Variants in PDZRN4 observed in about 807,000 individuals in gnomAD.
The protein encoded by PDZRN4 is PDZ domain containing ring finger 4.
In PDZRN4, 70 loss-of-function variants were observed where a neutral mutation model predicts 99.0. The observed-to-expected ratio is 0.71, with a 90% CI of 0.58 to 0.86. The LOEUF is 0.86. Among genes scored for constraint, PDZRN4 ranks in the 40% least tolerant of loss-of-function variants. The pLI, the probability that PDZRN4 is intolerant of heterozygous loss-of-function variation, is 0.00. For missense variants in PDZRN4, 1,474 were observed against 1,331.2 expected, an observed-to-expected ratio of 1.11 and a Z score of -1.67; for synonymous variants, 551 against 501.6, an observed-to-expected ratio of 1.10 and a Z score of -1.32.
chr12:41,548,465 A>C (rs527686951), intron 5 of PDZRN4, among the ~76,000 whole-genome samples: 8 of 152,258 alleles, frequency 5.3e-5, no homozygotes, highest in Non-Finnish European at 1.0e-4. Context: ...TTGTCTAATA[A>C]ATGAAAACCA....
At chr12:41,320,720 G>A (rs1347892814) in intron 3 of PDZRN4, among the ~76,000 whole-genome samples, 2 of 138,764 alleles carry the variant, frequency 1.4e-5, no homozygotes, top group Non-Finnish European at 3.2e-5. Flanking sequence ...TTCATTGAAT[G>A]AAGTAGGAAG....
intron 3 of PDZRN4, among the ~76,000 whole-genome samples, chr12:41,275,975 A>C (rs1951347629): frequency 6.6e-6 from 1 of 152,174 alleles, no homozygotes; most frequent in Non-Finnish European, 1.5e-5. Context: ...GTAAATGGTT[A>C]CAGGCAGAGG....
At chr12:41,554,344 C>G (rs908913511) in intron 6 of PDZRN4, among the ~76,000 whole-genome samples, 4 of 152,094 alleles carry the variant, frequency 2.6e-5, no homozygotes, top group Admixed American at 2.6e-4. Context: ...TTAAATATGT[C>G]AGAATTGGAG....
At chr12:41,322,278 C>A (rs1357131099) in intron 3 of PDZRN4, among the ~76,000 whole-genome samples, 1 of 151,890 alleles carries the variant, frequency 6.6e-6, no homozygotes, top group African/African-American at 2.4e-5. Context: ...CCGTCCACCT[C>A]GGCCTCCCAA....
chr12:41,362,208 A>T (rs1407091576), intron 3 of PDZRN4, among the ~76,000 whole-genome samples: 1 of 151,982 alleles, frequency 6.6e-6, no homozygotes, highest in Non-Finnish European at 1.5e-5. Flanking sequence ...GTACTGCCAC[A>T]ATCATCAAGT....
chr12:41,398,302 T>A (rs1205153659), intron 3 of PDZRN4, among the ~76,000 whole-genome samples: 1 of 152,074 alleles, frequency 6.6e-6, no homozygotes, highest in Non-Finnish European at 1.5e-5. Context: ...TAATTTTTAA[T>A]AACTGAAGGT....
chr12:41,433,176 A>C (rs1326223263), intron 3 of PDZRN4, among the ~76,000 whole-genome samples: 3 of 152,206 alleles, frequency 2.0e-5, no homozygotes, highest in African/African-American at 7.2e-5. Flanking sequence ...CTGTCTTTGA[A>C]AATTTATTCT....
At chr12:41,307,862 A>G (rs1190390255) in intron 3 of PDZRN4, among the ~76,000 whole-genome samples, 2 of 152,240 alleles carry the variant, frequency 1.3e-5, no homozygotes, top group African/African-American at 2.4e-5. Context: ...ATTTCATCTA[A>G]TCTATACATC....
intron 3 of PDZRN4, among the ~76,000 whole-genome samples, chr12:41,370,898 A>T (rs1952036796): frequency 6.6e-6 from 1 of 150,926 alleles, no homozygotes; most frequent in South Asian, 2.1e-4. Flanking sequence ...TTTTTACGTT[A>T]TTCTGCTTTT....
At chr12:41,403,634 C>G (rs1221917417) in intron 3 of PDZRN4, among the ~76,000 whole-genome samples, 1 of 152,110 alleles carries the variant, frequency 6.6e-6, no homozygotes, top group Non-Finnish European at 1.5e-5. Flanking sequence ...AAGCATATTT[C>G]AGTCCTCACT....
intron 3 of PDZRN4, among the ~76,000 whole-genome samples, chr12:41,488,226 A>G (rs1310025162): frequency 1.1e-4 from 16 of 152,334 alleles, no homozygotes; most frequent in Non-Finnish European, 2.9e-5. Context: ...CGGATAATCA[A>G]CATGAAGCAG....
intron 3 of PDZRN4, among the ~76,000 whole-genome samples, chr12:41,403,438 C>T (rs747548197): frequency 5.9e-5 from 9 of 152,084 alleles, no homozygotes; most frequent in Non-Finnish European, 1.2e-4. Context: ...CCATCGGGAA[C>T]GTGAGAGATG....
intron 3 of PDZRN4, among the ~76,000 whole-genome samples, chr12:41,232,934 C>T (rs1951038401): frequency 6.6e-6 from 1 of 152,024 alleles, no homozygotes; most frequent in African/African-American, 2.4e-5. Flanking sequence ...CAATCCTTTC[C>T]CCATTGCTTG....
intron 3 of PDZRN4, among the ~76,000 whole-genome samples, chr12:41,497,646 A>G (rs937236458): frequency 6.6e-6 from 1 of 152,148 alleles, no homozygotes; most frequent in Non-Finnish European, 1.5e-5. Context: ...ACAATTAGCC[A>G]GGAGGCAGCC....
chr12:41,495,359 T>A (rs1238585904), intron 3 of PDZRN4, among the ~76,000 whole-genome samples: 1 of 152,104 alleles, frequency 6.6e-6, no homozygotes, highest in Admixed American at 6.6e-5. Context: ...AAATTCAACC[T>A]CTTCAGCTTG....
At chr12:41,221,917 A>G (rs1950958540) in intron 3 of PDZRN4, among the ~76,000 whole-genome samples, 1 of 152,218 alleles carries the variant, frequency 6.6e-6, no homozygotes, top group African/African-American at 2.4e-5. Flanking sequence ...ACCTTGGCCA[A>G]GAAAAAAATA....
intron 3 of PDZRN4, among the ~76,000 whole-genome samples, chr12:41,406,781 C>A (rs955464042): frequency 6.7e-6 from 1 of 148,312 alleles, no homozygotes; most frequent in South Asian, 2.1e-4. Flanking sequence ...TCGTTTGAAC[C>A]TGGGAGGCGG....
intron 3 of PDZRN4, among the ~76,000 whole-genome samples, chr12:41,339,356 G>A (rs995618059): frequency 1.3e-5 from 2 of 152,080 alleles, no homozygotes; most frequent in Non-Finnish European, 2.9e-5. Context: ...ATGGTGCTGG[G>A]AAACTTGGAT....
chr12:41,189,035 GAGA>G lies in PDZRN4; in HGVS notation c.583_585del (p.Lys195del). 1 of 1,572,170 alleles carries G rather than the reference GAGA, an allele frequency of 6.4e-7. No individual in the cohort carries two copies. The highest frequency in any genetic ancestry group is 1.3e-5 in the African/African-American group (1 of 74,390). ...GCAGCTCACGGCGCGCAGGTACCAGGAGAAGTTCACCCAATACATGGCTCACGT... is the reference window on the plus strand; with the variant it reads ...GCAGCTCACGGCGCGCAGGTACCAGGAGTTCACCCAATACATGGCTCACGT... On this transcript the variant is annotated inframe_deletion, in exon 1 of 10. Transcript: ENST00000402685.
Sources: gnomAD v4.1 joint callset for allele counts (sites outside exome capture counted in the v4.1 genomes callset) on GRCh38, gnomAD v4.1.1 for gene constraint, MANE v1.5 for transcripts, NCBI Gene and HGNC (gene_info 2026-07-23, HGNC 2026-07-21) for gene names.